The following FGD6 variants were observed in gnomAD, a reference collection of about 807,000 sequenced individuals.
FGD6 encodes the protein FYVE, RhoGEF and PH domain containing 6, also known as FYVE, RhoGEF and PH domain-containing protein 6.
A neutral mutation model predicts 149.4 loss-of-function variants in FGD6; 90 were observed. That is an observed-to-expected ratio of 0.60 (90% confidence interval 0.51 to 0.72). FGD6 has a LOEUF of 0.72. FGD6 is among the 30% of genes least tolerant of loss of function. The pLI is 0.00. For missense variants in FGD6, 1,437 were observed against 1,684.8 expected, an observed-to-expected ratio of 0.85 and a Z score of 2.57; for synonymous variants, 527 against 584.0, an observed-to-expected ratio of 0.90 and a Z score of 1.41.
At chr12:95,107,353 TA>T (rs1249809664) in intron 12 of FGD6, among the ~76,000 whole-genome samples, 3 of 152,202 alleles carry the variant, frequency 2.0e-5, no homozygotes, top group Admixed American at 2.0e-4. Flanking sequence ...AGAAATGGAA[TA>T]AATTCCAAAA....
chr12:95,139,841 TGGCTA>T lies in FGD6; in HGVS notation c.2837+1542_2837+1546del, dbSNP rs539577726. ...TACTAGAGACGAGGTTTTGCCATGT[TGGCTA>T]GGCTGGTCTCGAGCTCCTGACCTCA... On this transcript the variant is annotated intron_variant, in intron 6 of 20. Transcript: ENST00000343958. 3.2e-4 allele frequency among the ~76,000 whole-genome samples: 49 copies of T among 152,258 alleles called. 1 individual carries two copies. The South Asian group carries it at 9.7e-3, about 30-fold the overall frequency.
At chr12:95,146,835 C>T (rs575105782) in intron 5 of FGD6, among the ~76,000 whole-genome samples, 186 of 152,050 alleles carry the variant, frequency 1.2e-3, no homozygotes, top group Middle Eastern at 3.4e-3. Context: ...TATTAACATA[C>T]CAGCTTGGCC....
chr12:95,148,282 CA>C (rs10713490), intron 5 of FGD6, among the ~76,000 whole-genome samples: 119,653 of 139,114 alleles, frequency 0.86, 51,545 homozygotes, highest in African/African-American at 0.95. Context: ...TTTTACAATG[CA>C]AAAAAAAAAA....
rs112886719 is a variant in FGD6 at position 95,113,762 on chromosome 12, C to G, written c.3083-61G>C. On this transcript the variant is annotated intron_variant, in intron 8 of 20. Transcript: ENST00000343958. ...AAACCAGTGAGCCCCAAACACATATCTTTCTTTTTCAATACTTCATTAGTC... is the reference window on the plus strand; with the variant it reads ...AAACCAGTGAGCCCCAAACACATATGTTTCTTTTTCAATACTTCATTAGTC... 5.2e-5 allele frequency: 57 copies of G among 1,091,082 alleles called. 1 individual carries two copies. Among genetic ancestry groups the G allele is most frequent in the African/African-American group, 5.0e-4 (31 of 62,498 alleles). 67.6% of individuals were successfully genotyped at this position (1,091,082 alleles called of 1,614,324 possible).
rs138385777 is a variant in FGD6, at chr12:95,111,129, G to T, written c.3133+2522C>A. On this transcript the variant is annotated intron_variant, in intron 9 of 20. Coordinates refer to ENST00000343958, the MANE Select transcript of FGD6 (RefSeq NM_018351.4). ...ACTGAGTACCTGGTATTACAGGCAT[G>T]CACCCCCATGCCCCACTAATCTTTG... Among the ~76,000 whole-genome samples, 16 of 152,198 alleles carry T rather than the reference G, an allele frequency of 1.1e-4. 1 individual carries two copies. Among genetic ancestry groups the T allele is most frequent in the Middle Eastern group, 3.4e-3 (1 of 294 alleles).
intron 2 of FGD6, among the ~76,000 whole-genome samples, chr12:95,173,903 T>C (rs1162439773): frequency 6.6e-6 from 1 of 152,186 alleles, no homozygotes; most frequent in Admixed American, 6.6e-5. Context: ...AGATAAATTT[T>C]CTGCCAGTTC....
rs1266004707 is a variant in FGD6, at chr12:95,148,793, C to T, written c.2685+4018G>A. 5.7e-4 allele frequency among the ~76,000 whole-genome samples: 56 copies of T among 97,912 alleles called. 3 individuals are homozygous for T. The highest frequency in any genetic ancestry group is 1.6e-3 in the African/African-American group (38 of 23,826). The allele number at this position is 97,912 out of a possible 152,430, so 64.2% of individuals were successfully genotyped here. On this transcript the variant is annotated intron_variant, in intron 5 of 20. Coordinates refer to ENST00000343958, the MANE Select transcript of FGD6 (RefSeq NM_018351.4). ...TACATATATTATATATTATATAATACATAGCATATGTTATATTACATATAT... is the reference window on the plus strand; with the variant it reads ...TACATATATTATATATTATATAATATATAGCATATGTTATATTACATATAT...
At chr12:95,139,019 T>C (rs190021622) in intron 6 of FGD6, among the ~76,000 whole-genome samples, 27 of 152,324 alleles carry the variant, frequency 1.8e-4, no homozygotes, top group Admixed American at 1.4e-3. Context: ...GCAAACCTTC[T>C]TGAATGTGAA....
rs551693662 is a variant in FGD6 at position 95,102,622 on chromosome 12, C to G, written c.3497+2385G>C. Among the ~76,000 whole-genome samples the G allele has an allele frequency of 4.6e-5, 7 of 152,222 alleles. No homozygotes were observed. In the East Asian group the frequency reaches 1.2e-3, roughly 25 times the overall value. ...TGCTAGCTGCGAAGCATTTGACAAA[C>G]CCTAGACACAGGTATTTGTCTTCTC... On this transcript the variant is annotated intron_variant, in intron 14 of 20. Transcript: ENST00000343958.
chr12:95,148,726 TAC>T (rs1189955555), intron 5 of FGD6, among the ~76,000 whole-genome samples: 1 of 85,688 alleles, frequency 1.2e-5, no homozygotes, highest in Non-Finnish European at 2.0e-5. Flanking sequence ...TATGTTATAT[TAC>T]ATATATTATA....
chr12:95,162,744 A>C (rs1159331931), intron 3 of FGD6, among the ~76,000 whole-genome samples: 2 of 152,098 alleles, frequency 1.3e-5, no homozygotes, highest in East Asian at 3.8e-4. Flanking sequence ...TTTAAACACA[A>C]TCCATCAGCT....
At chr12:95,147,448 A>T (rs1880049835) in intron 5 of FGD6, among the ~76,000 whole-genome samples, 1 of 152,180 alleles carries the variant, frequency 6.6e-6, no homozygotes, top group African/African-American at 2.4e-5. Context: ...CTAACAAGTA[A>T]TCATCATAAT....
chr12:95,116,837 C>G, intron 8 of FGD6: 1 of 455,930 alleles, frequency 2.2e-6, no homozygotes, highest in Non-Finnish European at 4.4e-6. Context: ...AGAACTTTTA[C>G]CTTGGCAAAG....
chr12:95,120,731 G>A (rs1879162817), intron 8 of FGD6, among the ~76,000 whole-genome samples: 1 of 152,084 alleles, frequency 6.6e-6, no homozygotes, highest in Admixed American at 6.6e-5. Flanking sequence ...ATTTTTGGGT[G>A]CTTGATACAT....
At chr12:95,115,916 AT>A (rs1878995863) in intron 8 of FGD6, among the ~76,000 whole-genome samples, 1 of 152,226 alleles carries the variant, frequency 6.6e-6, no homozygotes, top group African/African-American at 2.4e-5. Flanking sequence ...GCAATAAGCC[AT>A]GGTGAGATGT....
chr12:95,108,081 C>T (rs529596664), intron 11 of FGD6, among the ~76,000 whole-genome samples: 114 of 152,292 alleles, frequency 7.5e-4, no homozygotes, highest in African/African-American at 2.6e-3. Flanking sequence ...GCTGGCATCA[C>T]ACAAGAAAAC....
intron 8 of FGD6, among the ~76,000 whole-genome samples, chr12:95,120,319 A>AATTT (rs578241788): frequency 3.8e-4 from 57 of 151,866 alleles, no homozygotes; most frequent in East Asian, 5.8e-4. Flanking sequence ...CAGGGAGAAT[A>AATTT]ATTTATTTAT....
At chr12:95,194,591 G>A (rs910009672) in intron 2 of FGD6, among the ~76,000 whole-genome samples, 2 of 151,294 alleles carry the variant, frequency 1.3e-5, no homozygotes, top group Admixed American at 1.3e-4. Flanking sequence ...GTTGCCAGGG[G>A]TTGACGGGAA....
At position 95,077,414 on chromosome 12, in the gene FGD6, C is replaced by T. The variant is rs1877529737; in HGVS notation, c.*4106G>A. ...TAAGGGTCAGCTATCACAGAGAAGT[C>T]TTGGATAAACAGAGATGCGGATGGG... On this transcript the variant is annotated 3_prime_UTR_variant, in exon 21 of 21. Coordinates refer to ENST00000343958, the MANE Select transcript of FGD6 (RefSeq NM_018351.4). 6.6e-6 allele frequency: 1 copy of T among 152,152 alleles called. No individual in the cohort carries two copies. The highest frequency in any genetic ancestry group is 1.5e-5 in the Non-Finnish European group (1 of 68,086). 9.4% of individuals were successfully genotyped at this position (152,152 alleles called of 1,614,324 possible).
Sources: gnomAD v4.1 joint callset for allele counts (sites outside exome capture counted in the v4.1 genomes callset) on GRCh38, gnomAD v4.1.1 for gene constraint, MANE v1.5 for transcripts, NCBI Gene and HGNC (gene_info 2026-07-23, HGNC 2026-07-21) for gene names.